CFAP58: variants seen among roughly 807,000 people sequenced by gnomAD.
CFAP58 encodes the protein cilia- and flagella-associated protein 58.
CFAP58 carries 88 observed loss-of-function variants against 119.5 expected under a neutral mutation model. That is an observed-to-expected ratio of 0.74 (90% CI 0.62 to 0.88). The LOEUF (loss-of-function observed/expected upper bound fraction) is 0.88, where lower values mean the gene tolerates loss of function less well. Ranked by LOEUF, CFAP58 falls within the 40% of genes least tolerant of loss-of-function variation. CFAP58 has a pLI of 0.00. For synonymous variants in CFAP58, 365 were observed against 366.3 expected (o/e 1.00, Z 0.04); for missense variants, 990 against 1,021.2 (o/e 0.97, Z 0.42).
At chr10:104,375,070 A>T (rs944403754) in intron 7 of CFAP58, among the ~76,000 whole-genome samples, 5 of 151,446 alleles carry the variant, frequency 3.3e-5, no homozygotes, top group African/African-American at 4.8e-5. Flanking sequence ...TGGGGGAAAA[A>T]CTCAACACCA....
At chr10:104,407,893 C>T (rs2012391834) in intron 15 of CFAP58, among the ~76,000 whole-genome samples, 1 of 152,128 alleles carries the variant, frequency 6.6e-6, no homozygotes. Flanking sequence ...GATGGGGTTT[C>T]ACCATGTTGG....
At chr10:104,407,103 A>G (rs560585958) in intron 15 of CFAP58, among the ~76,000 whole-genome samples, 15 of 152,334 alleles carry the variant, frequency 9.8e-5, no homozygotes, top group African/African-American at 3.6e-4. Flanking sequence ...TTTTCTTCAT[A>G]TCTTCATATA....
intron 17 of CFAP58, among the ~76,000 whole-genome samples, chr10:104,451,551 T>A (rs562911553): frequency 6.6e-6 from 1 of 152,242 alleles, no homozygotes; most frequent in Non-Finnish European, 1.5e-5. Flanking sequence ...GTGATTTTCA[T>A]GCACAGTGAA....
intron 15 of CFAP58, 117 bp downstream of exon 15, chr10:104,406,910 G>T: frequency 1.4e-6 from 1 of 721,476 alleles, no homozygotes; most frequent in South Asian, 1.7e-5. Flanking sequence ...AACTGTAGAT[G>T]GCAACAGTGA....
chr10:104,370,131 A>C (rs762023270), intron 6 of CFAP58, among the ~76,000 whole-genome samples: 2 of 152,192 alleles, frequency 1.3e-5, no homozygotes, highest in African/African-American at 2.4e-5. Context: ...GAGTGTTTGA[A>C]TATTTTATAT....
At chr10:104,387,704 T>C (rs1285673330) in intron 9 of CFAP58, among the ~76,000 whole-genome samples, 6 of 152,212 alleles carry the variant, frequency 3.9e-5, no homozygotes, top group African/African-American at 1.4e-4. Context: ...TTTTACATGT[T>C]CTAGATAAAA....
chr10:104,380,322 GT>G, intron 9 of CFAP58, 102 bp downstream of exon 9: 2 of 1,146,532 alleles, frequency 1.7e-6, no homozygotes, highest in Non-Finnish European at 2.5e-6. Flanking sequence ...TCAGATTTCT[GT>G]TTGTAATTTG....
chr10:104,394,381 C>T (rs1486426249), intron 11 of CFAP58, among the ~76,000 whole-genome samples: 2 of 152,178 alleles, frequency 1.3e-5, no homozygotes, highest in Non-Finnish European at 2.9e-5. Flanking sequence ...AAACTGTTTA[C>T]AACAAATTAG....
intron 15 of CFAP58, among the ~76,000 whole-genome samples, chr10:104,420,123 G>C (rs2012631061): frequency 8.9e-6 from 1 of 112,686 alleles, no homozygotes; most frequent in Admixed American, 8.4e-5. Context: ...CAGATGTTTG[G>C]GGCCTTTTTT....
At chr10:104,354,918 A>C (rs1463633364) in intron 1 of CFAP58, among the ~76,000 whole-genome samples, 1 of 150,708 alleles carries the variant, frequency 6.6e-6, no homozygotes, top group Non-Finnish European at 1.5e-5. Flanking sequence ...ACCCCATTCT[A>C]GTTACTCTCT....
At chr10:104,406,921 C>T in intron 15 of CFAP58, 128 bp downstream of exon 15, 1 of 668,072 alleles carries the variant, frequency 1.5e-6, no homozygotes, top group Non-Finnish European at 2.6e-6. Flanking sequence ...GCAACAGTGA[C>T]TTACACATAA....
At chr10:104,357,205 A>G (rs1180360073) in intron 1 of CFAP58, among the ~76,000 whole-genome samples, 2 of 152,228 alleles carry the variant, frequency 1.3e-5, no homozygotes, top group Non-Finnish European at 1.5e-5. Flanking sequence ...CATCTAAGTA[A>G]TAGCCAGACT....
At chr10:104,378,502 TG>T (rs1269780416) in intron 8 of CFAP58, among the ~76,000 whole-genome samples, 3 of 152,232 alleles carry the variant, frequency 2.0e-5, no homozygotes. Context: ...AAGTGCCTCA[TG>T]GAACTCAAGG....
At chr10:104,430,524 A>G (rs1311059490) in intron 15 of CFAP58, among the ~76,000 whole-genome samples, 1 of 152,222 alleles carries the variant, frequency 6.6e-6, no homozygotes. Flanking sequence ...CTAAAATTTT[A>G]TTAAGTGCTT....
At chr10:104,383,753 A>AACACACACACACACACAAAC (rs2011864811) in intron 9 of CFAP58, among the ~76,000 whole-genome samples, 2 of 145,850 alleles carry the variant, frequency 1.4e-5, no homozygotes, top group African/African-American at 2.6e-5. Context: ...TTTACTGTCC[A>AACACACACACACACACAAAC]ACACACACAC....
rs114383063 is a variant in CFAP58, at chr10:104,389,180, G to A, written c.1366-3053G>A. On this transcript the variant is annotated intron_variant, in intron 9 of 17. Coordinates refer to ENST00000369704, the MANE Select transcript of CFAP58 (RefSeq NM_001008723.2). ...TGAATGATTTCCATAAAAATAAACC[G>A]AGTCCCAACACTTAGAAATACATTG... is the stretch of plus-strand genomic sequence containing the variant. Among the ~76,000 whole-genome samples the A allele has an allele frequency of 4.9e-3, 753 of 152,150 alleles. 10 individuals carry two copies. Among genetic ancestry groups the A allele is most frequent in the African/African-American group, 0.017 (706 of 41,494 alleles).
chr10:104,442,638 A>G (rs1038112758), intron 15 of CFAP58, among the ~76,000 whole-genome samples: 3 of 152,150 alleles, frequency 2.0e-5, no homozygotes, highest in Non-Finnish European at 4.4e-5. Context: ...TATGTGTATC[A>G]GTATGTACAT....
chr10:104,433,132 C>T (rs2012876624), intron 15 of CFAP58, among the ~76,000 whole-genome samples: 1 of 152,138 alleles, frequency 6.6e-6, no homozygotes, highest in Non-Finnish European at 1.5e-5. Context: ...CTCGTTCCAT[C>T]ACCCAGATTG....
chr10:104,385,053 T>C (rs544083731), intron 9 of CFAP58, among the ~76,000 whole-genome samples: 1 of 152,256 alleles, frequency 6.6e-6, no homozygotes, highest in Non-Finnish European at 1.5e-5. Flanking sequence ...GCAAATCTGC[T>C]ACATCAACCC....
Sources: gnomAD v4.1 joint callset for allele counts (sites outside exome capture counted in the v4.1 genomes callset) on GRCh38, gnomAD v4.1.1 for gene constraint, MANE v1.5 for transcripts, NCBI Gene and HGNC (gene_info 2026-07-23, HGNC 2026-07-21) for gene names.